ENPEP: variants seen among roughly 807,000 people sequenced by gnomAD.
ENPEP encodes glutamyl aminopeptidase.
ENPEP carries 103 observed loss-of-function variants against 114.5 expected under a neutral mutation model. The ratio of observed to expected loss-of-function variants is 0.90; its 90% confidence interval spans 0.77 to 1.06. ENPEP has a LOEUF of 1.06. Ranked by LOEUF, ENPEP falls within the 50% of genes least tolerant of loss-of-function variation. ENPEP has a pLI of 0.00. For missense variants in ENPEP, 1,196 were observed against 1,161.3 expected (o/e 1.03, Z -0.43); for synonymous variants, 420 against 422.0 (o/e 1.00, Z 0.06).
At chr4:110,548,441 G>T in intron 14 of ENPEP, 115 bp downstream of exon 14, 1 of 826,788 alleles carries the variant, frequency 1.2e-6, no homozygotes, top group East Asian at 3.0e-5. Flanking sequence ...TTGCCAGGTG[G>T]AATCAAAAGA....
At chr4:110,559,828 A>C in intron 19 of ENPEP, 103 bp downstream of exon 19, 1 of 919,500 alleles carries the variant, frequency 1.1e-6, no homozygotes, top group South Asian at 1.5e-5. Context: ...CAGAATGTGC[A>C]GGTTTGTTAC....
chr4:110,553,590 G>A (rs556583577), intron 18 of ENPEP, 135 bp downstream of exon 18: 4 of 828,876 alleles, frequency 4.8e-6, no homozygotes, highest in South Asian at 4.1e-5. Context: ...AAGGATCATG[G>A]TATTATCCTT....
At position 110,524,629 on chromosome 4, in the gene ENPEP, T is replaced by C. The variant is rs907542992; in HGVS notation, c.1727+4263T>C. 7.2e-5 allele frequency among the ~76,000 whole-genome samples: 11 copies of C among 152,366 alleles called. No individual in the cohort carries two copies. The South Asian group carries it at 8.3e-4, about 11-fold the overall frequency. ...TCAAATTTCTTGCACATTTTCATTA[T>C]GTTAAAAATCAAACCCTTAACAGGA... On this transcript the variant is annotated intron_variant, in intron 10 of 19. Coordinates refer to ENST00000265162, the MANE Select transcript of ENPEP (RefSeq NM_001977.4).
chr4:110,500,363 T>C (rs1445785103), intron 3 of ENPEP, among the ~76,000 whole-genome samples: 1 of 152,192 alleles, frequency 6.6e-6, no homozygotes, highest in Non-Finnish European at 1.5e-5. Flanking sequence ...TAAGGCTGTA[T>C]AAAGCCCAAA....
chr4:110,516,757 C>A (rs1055796296), intron 8 of ENPEP, among the ~76,000 whole-genome samples: 1 of 152,092 alleles, frequency 6.6e-6, no homozygotes, highest in African/African-American at 2.4e-5. Context: ...GTCAAGATTT[C>A]GGAAATATTT....
intron 18 of ENPEP, 137 bp downstream of exon 18, chr4:110,553,592 A>G (rs1318658248): frequency 1.2e-6 from 1 of 835,200 alleles, no homozygotes; most frequent in Non-Finnish European, 1.7e-6. Context: ...GGATCATGGT[A>G]TTATCCTTCC....
At position 110,563,317 on chromosome 4, in the gene ENPEP, CAG is replaced by C. The variant is rs1249088995; in HGVS notation, c.*1761_*1762del. 1 of 152,090 alleles carries C rather than the reference CAG, an allele frequency of 6.6e-6. No homozygotes were observed. Among genetic ancestry groups the C allele is most frequent in the Non-Finnish European group, 1.5e-5 (1 of 67,992 alleles). The allele number at this position is 152,090 out of a possible 1,614,324, so 9.4% of individuals were successfully genotyped here. A position where few individuals can be genotyped will look rare whatever the true frequency, so the allele number is the denominator to read the frequency against. On this transcript the variant is annotated 3_prime_UTR_variant, in exon 20 of 20. Transcript: ENST00000265162. Reference sequence around the variant, plus strand: ...TAGTTTAAGGGGGTGGTAAATAAAACAGATTTCAACTTGCCTACAAGACATTC... The same window carrying C: ...TAGTTTAAGGGGGTGGTAAATAAAACATTTCAACTTGCCTACAAGACATTC...
chr4:110,548,490 G>A (rs1264168304), intron 14 of ENPEP, among the ~76,000 whole-genome samples, 164 bp downstream of exon 14: 3 of 151,908 alleles, frequency 2.0e-5, no homozygotes, highest in Non-Finnish European at 4.4e-5. Flanking sequence ...AAGCTATGCC[G>A]TCTATTCTTT....
At chr4:110,525,665 A>C (rs935456176) in intron 10 of ENPEP, among the ~76,000 whole-genome samples, 1 of 62,592 alleles carries the variant, frequency 1.6e-5, no homozygotes, top group African/African-American at 4.1e-5. Flanking sequence ...AAAGTCTTTA[A>C]CTCTAAACTG....
At position 110,483,222 on chromosome 4, in the gene ENPEP, T is replaced by C. The variant is rs142339294; in HGVS notation, c.645-5319T>C. On this transcript the variant is annotated intron_variant, in intron 1 of 19. Transcript: ENST00000265162. ...TAAAAATACATAGAGGTCTGAACAA[T>C]CTAGAGGGGTTGTTTTTCACCAAGC... Among the ~76,000 whole-genome samples, 583 of 152,172 alleles carry C rather than the reference T, an allele frequency of 3.8e-3. 5 individuals carry two copies. The highest frequency in any genetic ancestry group is 0.011 in the African/African-American group (473 of 41,510).
In ENPEP at chr4:110,526,302, C is replaced by G. The variant is rs190696578; in HGVS notation, c.1728-4896C>G. Among the ~76,000 whole-genome samples the G allele has an allele frequency of 9.5e-3, 1,449 of 152,070 alleles. 12 individuals carry two copies. Among genetic ancestry groups the G allele is most frequent in the South Asian group, 0.015 (72 of 4,808 alleles). Reference sequence around the variant, plus strand: ...AAAAAACAGAACAAACCCCCCGCCCCAAAACAGAAATTACAGCGTATATGA... The same window carrying G: ...AAAAAACAGAACAAACCCCCCGCCCGAAAACAGAAATTACAGCGTATATGA... On this transcript the variant is annotated intron_variant, in intron 10 of 19. Transcript: ENST00000265162.
At chr4:110,516,560 G>A (rs1009754829) in intron 8 of ENPEP, among the ~76,000 whole-genome samples, 1 of 152,058 alleles carries the variant, frequency 6.6e-6, no homozygotes, top group Non-Finnish European at 1.5e-5. Flanking sequence ...AATGCCCCCT[G>A]CTGGCTGCCA....
chr4:110,550,906 C>T (rs1727264623), intron 17 of ENPEP, among the ~76,000 whole-genome samples: 1 of 151,938 alleles, frequency 6.6e-6, no homozygotes, highest in Admixed American at 6.6e-5. Flanking sequence ...CAGCCTCTTT[C>T]CTCAGGGCTA....
At chr4:110,535,571 A>G (rs1726583512) in intron 11 of ENPEP, among the ~76,000 whole-genome samples, 1 of 152,242 alleles carries the variant, frequency 6.6e-6, no homozygotes, top group Non-Finnish European at 1.5e-5. Context: ...TAAACCAAAC[A>G]TACAAGAGAT....
chr4:110,527,716 A>G (rs1726250455), intron 10 of ENPEP, among the ~76,000 whole-genome samples: 2 of 152,182 alleles, frequency 1.3e-5, no homozygotes, highest in Admixed American at 1.3e-4. Context: ...TTAACTATTT[A>G]ATACTGCTGG....
intron 11 of ENPEP, among the ~76,000 whole-genome samples, chr4:110,541,868 T>C (rs1229784732): frequency 1.3e-5 from 2 of 152,130 alleles, no homozygotes; most frequent in African/African-American, 4.8e-5. Context: ...ATGTATGAAC[T>C]GAAAAATATA....
Position 110,488,531 on chromosome 4 carries a change from T to C in ENPEP, c.645-10T>C. The C allele has an allele frequency of 6.2e-7, 1 of 1,600,172 alleles. No individual in the cohort carries two copies. Among genetic ancestry groups the C allele is most frequent in the Non-Finnish European group, 8.5e-7 (1 of 1,174,488 alleles). On this transcript the variant is annotated splice_polypyrimidine_tract_variant and intron_variant, in intron 1 of 19. Coordinates refer to ENST00000265162, the MANE Select transcript of ENPEP (RefSeq NM_001977.4). ...CATGCATTTCGTTTGTTTGTTTGTT[T>C]GTTTCTAAGGAGCATAGTGGCCACC...
At chr4:110,537,038 T>G (rs1317268479) in intron 11 of ENPEP, among the ~76,000 whole-genome samples, 2 of 152,220 alleles carry the variant, frequency 1.3e-5, no homozygotes, top group African/African-American at 4.8e-5. Flanking sequence ...AATAATTTAT[T>G]GCTAAAAATG....
At chr4:110,515,500 G>C in intron 8 of ENPEP, 58 bp downstream of exon 8, 1 of 1,324,534 alleles carries the variant, frequency 7.5e-7, no homozygotes, top group Non-Finnish European at 1.1e-6. Context: ...TGTGGCTGGT[G>C]AATGTTAAGA....
Sources: gnomAD v4.1 joint callset for allele counts (sites outside exome capture counted in the v4.1 genomes callset) on GRCh38, gnomAD v4.1.1 for gene constraint, MANE v1.5 for transcripts, NCBI Gene and HGNC (gene_info 2026-07-23, HGNC 2026-07-21) for gene names.